MCTP1: variants seen among roughly 807,000 people sequenced by gnomAD.
The protein encoded by MCTP1 is multiple C2 and transmembrane domain containing 1.
In MCTP1, 69 loss-of-function variants were observed where a neutral mutation model predicts 120.6. The observed-to-expected ratio is 0.57, with a 90% CI of 0.47 to 0.70. The LOEUF is 0.70. Among genes scored for constraint, MCTP1 ranks in the 30% least tolerant of loss-of-function variants. MCTP1 has a pLI of 0.00. For synonymous variants in MCTP1, 529 were observed against 493.1 expected (o/e 1.07, Z -0.96); for missense variants, 1,203 against 1,248.8 (o/e 0.96, Z 0.55).
At chr5:95,262,790 T>C (rs1422030788) in intron 1 of MCTP1, among the ~76,000 whole-genome samples, 1 of 152,114 alleles carries the variant, frequency 6.6e-6, no homozygotes, top group Non-Finnish European at 1.5e-5. Context: ...TCAATAAATA[T>C]TAAAAAAATA....
chr5:95,029,757 G>A (rs1839952498), intron 1 of MCTP1, among the ~76,000 whole-genome samples: 2 of 152,178 alleles, frequency 1.3e-5, no homozygotes, highest in Admixed American at 1.3e-4. Flanking sequence ...AGAGAACTTG[G>A]TGGCCGGTTT....
chr5:95,039,828 T>G (rs1018800063), intron 1 of MCTP1, among the ~76,000 whole-genome samples: 1 of 139,574 alleles, frequency 7.2e-6, no homozygotes, highest in African/African-American at 2.6e-5. Flanking sequence ...TCCAAAGACA[T>G]TGCTAGAACA....
At chr5:94,816,276 G>A (rs899526184) in intron 17 of MCTP1, among the ~76,000 whole-genome samples, 3 of 152,058 alleles carry the variant, frequency 2.0e-5, no homozygotes, top group African/African-American at 7.2e-5. Context: ...ATATTTATCT[G>A]TACTTTTATT....
intron 19 of MCTP1, among the ~76,000 whole-genome samples, chr5:94,717,222 A>G (rs1759688279): frequency 6.6e-6 from 1 of 152,224 alleles, no homozygotes; most frequent in Non-Finnish European, 1.5e-5. Flanking sequence ...CTGATTCAAC[A>G]TACACAAATG....
chr5:94,787,109 AT>A (rs1445289915), intron 18 of MCTP1, among the ~76,000 whole-genome samples: 2 of 152,284 alleles, frequency 1.3e-5, no homozygotes, highest in African/African-American at 4.8e-5. Flanking sequence ...CTCAATGATG[AT>A]TTCAGTGAAA....
At chr5:94,747,954 G>A (rs1767316428) in intron 19 of MCTP1, among the ~76,000 whole-genome samples, 1 of 152,114 alleles carries the variant, frequency 6.6e-6, no homozygotes, top group African/African-American at 2.4e-5. Context: ...GCTCGGCGTA[G>A]TGGCGCGCGC....
chr5:95,231,907 G>A (rs1258213032), intron 1 of MCTP1, among the ~76,000 whole-genome samples: 1 of 151,994 alleles, frequency 6.6e-6, no homozygotes, highest in African/African-American at 2.4e-5. Flanking sequence ...GACTTTGATG[G>A]GATAGCTGTA....
At chr5:95,142,724 A>T (rs1220481893) in intron 1 of MCTP1, among the ~76,000 whole-genome samples, 1 of 152,210 alleles carries the variant, frequency 6.6e-6, no homozygotes, top group Non-Finnish European at 1.5e-5. Flanking sequence ...TGGGAATGAA[A>T]AGAGCTCACC....
At chr5:94,940,014 T>C in intron 5 of MCTP1, 70 bp downstream of exon 5, 1 of 857,358 alleles carries the variant, frequency 1.2e-6, no homozygotes, top group African/African-American at 1.7e-5. Context: ...TATTATCATC[T>C]CTGGGTCCAG....
intron 19 of MCTP1, among the ~76,000 whole-genome samples, chr5:94,721,381 G>A (rs1286403709): frequency 2.0e-5 from 3 of 152,182 alleles, no homozygotes; most frequent in African/African-American, 7.2e-5. Flanking sequence ...AAGTGCTGAT[G>A]TATGATTATT....
chr5:94,711,179 G>A (rs535691913), intron 20 of MCTP1, among the ~76,000 whole-genome samples: 2 of 152,146 alleles, frequency 1.3e-5, no homozygotes, highest in African/African-American at 4.8e-5. Context: ...TAAAGCCATT[G>A]TGCTACTTGG....
At chr5:95,194,255 A>AAAGAG (rs998178620) in intron 1 of MCTP1, among the ~76,000 whole-genome samples, 4 of 152,092 alleles carry the variant, frequency 2.6e-5, no homozygotes, top group African/African-American at 9.7e-5. Context: ...AAGAAAAGAA[A>AAAGAG]AAGAGAAGAG....
intron 17 of MCTP1, among the ~76,000 whole-genome samples, chr5:94,830,066 C>T (rs1580912697): frequency 6.6e-6 from 1 of 152,178 alleles, no homozygotes; most frequent in Non-Finnish European, 1.5e-5. Flanking sequence ...CATGTTAATT[C>T]CCAAGAAAGA....
intron 1 of MCTP1, among the ~76,000 whole-genome samples, chr5:95,198,183 C>A (rs144045807): frequency 4.9e-4 from 75 of 151,986 alleles, no homozygotes; most frequent in African/African-American, 1.5e-3. Flanking sequence ...AAATGCATAT[C>A]TAAATGCATA....
intron 1 of MCTP1, among the ~76,000 whole-genome samples, chr5:95,199,991 T>C (rs1750825007): frequency 6.6e-6 from 1 of 151,818 alleles, no homozygotes; most frequent in South Asian, 2.1e-4. Context: ...TGAAACCTCG[T>C]CTCTACTAAA....
At chr5:95,035,340 T>C (rs1156302661) in intron 1 of MCTP1, among the ~76,000 whole-genome samples, 4 of 152,010 alleles carry the variant, frequency 2.6e-5, no homozygotes, top group Non-Finnish European at 2.9e-5. Context: ...CAGCAGTGAA[T>C]TGGATAAGGA....
chr5:94,832,012 A>G (rs1788620995), intron 17 of MCTP1, among the ~76,000 whole-genome samples: 1 of 152,230 alleles, frequency 6.6e-6, no homozygotes, highest in African/African-American at 2.4e-5. Context: ...TTTACTGATC[A>G]AGTAGCAACC....
At chr5:95,202,257 C>G (rs1271173150) in intron 1 of MCTP1, among the ~76,000 whole-genome samples, 1 of 152,236 alleles carries the variant, frequency 6.6e-6, no homozygotes, top group Non-Finnish European at 1.5e-5. Flanking sequence ...GAACTCCAGG[C>G]TGTCTGACCT....
intron 17 of MCTP1, among the ~76,000 whole-genome samples, chr5:94,847,704 A>ATG (rs1792781625): frequency 6.9e-6 from 1 of 145,806 alleles, no homozygotes; most frequent in Non-Finnish European, 1.5e-5. Flanking sequence ...ATATATATAT[A>ATG]TGTATGTTGG....
Sources: allele counts gnomAD v4.1 joint callset (sites outside exome capture counted in the v4.1 genomes callset), GRCh38; gene constraint gnomAD v4.1.1; transcripts MANE v1.5; gene names NCBI Gene and HGNC (gene_info 2026-07-23, HGNC 2026-07-21).